Variants in KLHL5 observed in about 807,000 individuals in gnomAD.
The protein encoded by KLHL5 is kelch-like protein 5.
Under a neutral mutation model 77.7 loss-of-function variants are expected in KLHL5, and 48 were observed. That is an observed-to-expected ratio of 0.62 (90% confidence interval 0.49 to 0.79). The LOEUF is 0.79. KLHL5 is among the 30% of genes least tolerant of loss of function. KLHL5 has a pLI of 0.00. For missense variants in KLHL5, 723 were observed against 859.7 expected (o/e 0.84, Z 1.99); for synonymous variants, 260 against 297.0 (o/e 0.88, Z 1.28).
the KLHL5 span, among the ~76,000 whole-genome samples, chr4:39,138,681 A>C: frequency 6.6e-6 from 1 of 152,160 alleles, no homozygotes; most frequent in East Asian, 1.9e-4. Flanking sequence ...GTGATTAATT[A>C]ATCTGTACAA....
chr4:39,084,263 G>GT (rs1256330030), intron 4 of KLHL5, among the ~76,000 whole-genome samples: 3 of 152,104 alleles, frequency 2.0e-5, no homozygotes, highest in Non-Finnish European at 4.4e-5. Flanking sequence ...AATACAAGTG[G>GT]TAAAAAATGA....
At chr4:39,131,936 G>C in the KLHL5 span, among the ~76,000 whole-genome samples, 4 of 151,922 alleles carry the variant, frequency 2.6e-5, no homozygotes, top group African/African-American at 9.6e-5. Context: ...GAGAAGACTT[G>C]GAAAAATAAG....
the KLHL5 span, among the ~76,000 whole-genome samples, chr4:39,138,962 G>C: frequency 6.6e-6 from 1 of 152,102 alleles, no homozygotes; most frequent in African/African-American, 2.4e-5. Context: ...AAGCCTTGCA[G>C]ACATCACCTT....
downstream of KLHL5, among the ~76,000 whole-genome samples, chr4:39,127,148 C>T (rs916774924): frequency 2.0e-5 from 3 of 151,956 alleles, no homozygotes; most frequent in African/African-American, 7.3e-5. Flanking sequence ...CCAGCCTGGG[C>T]AACATCTTGA....
At chr4:39,082,324 A>C (rs947531013) in intron 4 of KLHL5, among the ~76,000 whole-genome samples, 165 bp downstream of exon 4, 1 of 152,184 alleles carries the variant, frequency 6.6e-6, no homozygotes, top group African/African-American at 2.4e-5. Flanking sequence ...ATGGGAAAGC[A>C]CCAAGTAATA....
intron 10 of KLHL5, among the ~76,000 whole-genome samples, chr4:39,119,763 C>T (rs1414946174): frequency 6.6e-6 from 1 of 152,196 alleles, no homozygotes; most frequent in African/African-American, 2.4e-5. Flanking sequence ...CTCTAAGCTA[C>T]ACTTTCTAGC....
At chr4:39,049,581 G>C (rs1361928860) in intron 1 of KLHL5, among the ~76,000 whole-genome samples, 3 of 152,026 alleles carry the variant, frequency 2.0e-5, no homozygotes, top group Admixed American at 6.6e-5. Context: ...GAGCTTCCTT[G>C]GGGGCGGGGG....
At chr4:39,094,840 A>C (rs1376382361) in intron 5 of KLHL5, among the ~76,000 whole-genome samples, 1 of 152,122 alleles carries the variant, frequency 6.6e-6, no homozygotes, top group Non-Finnish European at 1.5e-5. Flanking sequence ...TACTCTATTT[A>C]AACATTAATT....
In KLHL5 at chr4:39,125,238, G is replaced by A. The variant is rs529181105; in HGVS notation, c.*4172G>A. Among the ~76,000 whole-genome samples, 1 of 152,232 alleles carries A rather than the reference G, an allele frequency of 6.6e-6. No individual in the cohort carries two copies. The highest frequency in any genetic ancestry group is 2.4e-5 in the African/African-American group (1 of 41,526). The stretch of plus-strand genomic sequence containing the variant: ...AATTGAAAACCTTCATTCGTTGTTG[G>A]TGGGAATGTTAAATGGTGTAGCCAC... On this transcript the variant is annotated 3_prime_UTR_variant, in exon 11 of 11. Transcript: ENST00000504108.
At chr4:39,051,160 C>G (rs1389180075) in intron 1 of KLHL5, among the ~76,000 whole-genome samples, 1 of 152,188 alleles carries the variant, frequency 6.6e-6, no homozygotes, top group Non-Finnish European at 1.5e-5. Flanking sequence ...ATCTCTTCAC[C>G]AATTTAATCT....
At position 39,062,497 on chromosome 4, in the gene KLHL5, G is replaced by A. The variant is rs201092126; in HGVS notation, c.-156G>A. On this transcript the variant is annotated 5_prime_UTR_variant, in exon 1 of 11. Transcript: ENST00000504108. ...TAAAATCTGATATATTGGCATAAAA[G>A]TAATTGTAGATATATATATGAATGT... 2 of 1,589,168 alleles carry A rather than the reference G, an allele frequency of 1.3e-6. No homozygotes were observed. Among genetic ancestry groups the A allele is most frequent in the East Asian group, 2.2e-5 (1 of 44,652 alleles).
chr4:39,094,452 T>G, intron 5 of KLHL5, among the ~76,000 whole-genome samples: 1 of 151,488 alleles, frequency 6.6e-6, no homozygotes, highest in East Asian at 1.9e-4. Context: ...ATAAATAAAT[T>G]TAAGTTCTTA....
At chr4:39,085,793 C>G (rs976882406) in intron 4 of KLHL5, among the ~76,000 whole-genome samples, 1 of 152,052 alleles carries the variant, frequency 6.6e-6, no homozygotes, top group African/African-American at 2.4e-5. Flanking sequence ...CACCTTTGGT[C>G]CTTTTTCCTG....
chr4:39,107,950 T>C (rs1722173513), intron 8 of KLHL5, among the ~76,000 whole-genome samples: 1 of 151,844 alleles, frequency 6.6e-6, no homozygotes, highest in South Asian at 2.1e-4. Flanking sequence ...AGTTATCATT[T>C]TGAGTGAAGA....
the KLHL5 span, among the ~76,000 whole-genome samples, chr4:39,132,306 C>T: frequency 6.6e-6 from 1 of 152,166 alleles, no homozygotes; most frequent in Admixed American, 6.5e-5. Context: ...TAAAGAAAAT[C>T]TTCCCACAAA....
intron 1 of KLHL5, among the ~76,000 whole-genome samples, chr4:39,074,747 A>ATTAG (rs150050392): frequency 0.028 from 4,334 of 152,230 alleles, 180 homozygotes; most frequent in African/African-American, 0.098. Flanking sequence ...TGATAAGGTT[A>ATTAG]TTATATTAAC....
At chr4:39,139,513 C>T in the KLHL5 span, among the ~76,000 whole-genome samples, 1 of 151,810 alleles carries the variant, frequency 6.6e-6, no homozygotes, top group Non-Finnish European at 1.5e-5. Context: ...TGTACCACAC[C>T]AAGACTGGAC....
chr4:39,115,646 G>A, intron 10 of KLHL5: 1 of 1,335,214 alleles, frequency 7.5e-7, no homozygotes, highest in Non-Finnish European at 9.5e-7. Flanking sequence ...GGGGAGACTG[G>A]AAAATAAAAA....
upstream of KLHL5, among the ~76,000 whole-genome samples, chr4:39,061,415 A>G (rs1179869236): frequency 6.6e-6 from 1 of 152,144 alleles, no homozygotes; most frequent in Non-Finnish European, 1.5e-5. Flanking sequence ...GCAGCATTTT[A>G]ATGTTTCTTA....
Sources: gnomAD v4.1 joint callset for allele counts (sites outside exome capture counted in the v4.1 genomes callset) on GRCh38, gnomAD v4.1.1 for gene constraint, MANE v1.5 for transcripts, NCBI Gene and HGNC (gene_info 2026-07-23, HGNC 2026-07-21) for gene names.